Variants in DCUN1D5 observed in about 807,000 individuals in gnomAD.
DCUN1D5 encodes the protein DCN1-like protein 5.
A neutral mutation model predicts 38.3 loss-of-function variants in DCUN1D5; 10 were observed. The observed-to-expected ratio is 0.26, with a 90% CI of 0.16 to 0.44. The LOEUF (loss-of-function observed/expected upper bound fraction) is 0.44. Ranked by LOEUF, DCUN1D5 falls within the 20% of genes least tolerant of loss-of-function variation. The pLI is 1.00. For synonymous variants in DCUN1D5, 93 were observed against 90.9 expected (o/e 1.02, Z -0.13); for missense variants, 148 against 275.3 (o/e 0.54, Z 3.27).
In DCUN1D5 at chr11:103,087,253, C is replaced by A. The variant is rs1351798057; in HGVS notation, c.178+1974G>T. On this transcript the variant is annotated intron_variant, in intron 2 of 7. Coordinates refer to ENST00000260247, the MANE Select transcript of DCUN1D5 (RefSeq NM_032299.4). This position sits in a 1 kb window ranked among gnomAD's most constrained non-coding sequence, Gnocchi z 4.1. ...TGGTGTTATCTCGGCTCACTGTGAG[C>A]TCCGCCTCCTGGGTTCACGCCATTC... Among the ~76,000 whole-genome samples the A allele has an allele frequency of 2.0e-5, 3 of 151,158 alleles. No individual in the cohort carries two copies. The highest frequency in any genetic ancestry group is 6.6e-5 in the Admixed American group (1 of 15,154).
intron 4 of DCUN1D5, among the ~76,000 whole-genome samples, chr11:103,074,686 G>A (rs1335475640): frequency 6.6e-6 from 1 of 152,214 alleles, no homozygotes; most frequent in Non-Finnish European, 1.5e-5. Flanking sequence ...TTACAGGCGT[G>A]AGCCACCATG....
intron 4 of DCUN1D5, chr11:103,080,111 G>A (rs1862519575): frequency 1.3e-5 from 2 of 152,260 alleles, no homozygotes; most frequent in Non-Finnish European, 1.5e-5. Flanking sequence ...TTAACACAGT[G>A]TATGTTTTAA....
rs1470366566 is a variant in DCUN1D5 at position 103,066,681 on chromosome 11, T to C, written c.342-114A>G. ...AAAGTGAGCGCATTTATGAAGTTAA[T>C]TTAGTTTTAAAATTCTGAGTCACAA... On this transcript the variant is annotated intron_variant, in intron 4 of 7. Transcript: ENST00000260247. This position sits in a 1 kb window ranked among gnomAD's most constrained non-coding sequence, Gnocchi z 4.7. 1.8e-6 allele frequency: 1 copy of C among 562,698 alleles called. No individual in the cohort carries two copies. Among genetic ancestry groups the C allele is most frequent in the East Asian group, 3.2e-5 (1 of 31,538 alleles). The allele number at this position is 562,698 out of a possible 1,614,324, so 34.9% of individuals were successfully genotyped here.
In DCUN1D5 at chr11:103,083,040, A is replaced by C. The variant is rs1318526188; in HGVS notation, c.250-201T>G. On this transcript the variant is annotated intron_variant, in intron 3 of 7. Coordinates refer to ENST00000260247, the MANE Select transcript of DCUN1D5 (RefSeq NM_032299.4). The surrounding 1 kb of genome is among the most constrained non-coding windows in gnomAD (Gnocchi z 4.4). ...AGTAAAAAGTTCTAACAGTTTCTGA[A>C]GGTAGAATCTCTTATTCTATTACAT... is the stretch of plus-strand genomic sequence containing the variant. Among the ~76,000 whole-genome samples the C allele has an allele frequency of 6.6e-6, 1 of 152,044 alleles. No homozygotes were observed. The highest frequency in any genetic ancestry group is 1.5e-5 in the Non-Finnish European group (1 of 67,878).
At position 103,074,279 on chromosome 11, in the gene DCUN1D5, C is replaced by G. The variant is rs1392111033; in HGVS notation, c.342-7712G>C. 2.0e-5 allele frequency among the ~76,000 whole-genome samples: 3 copies of G among 152,188 alleles called. No homozygotes were observed. The South Asian group carries it at 6.2e-4, about 32-fold the overall frequency. On this transcript the variant is annotated intron_variant, in intron 4 of 7. Transcript: ENST00000260247. ...AAAATTCAACAGTAAAAAAATTTAT[C>G]TTCCATGTTCGTTAGCATCTCTTTC...
At chr11:103,082,331 A>G (rs1039089406) in intron 4 of DCUN1D5, among the ~76,000 whole-genome samples, 1 of 152,104 alleles carries the variant, frequency 6.6e-6, no homozygotes. Flanking sequence ...TCTATCTTCA[A>G]ATTTTTAAAG....
intron 4 of DCUN1D5, among the ~76,000 whole-genome samples, chr11:103,072,892 GAAC>G (rs1862316160): frequency 6.6e-6 from 1 of 152,004 alleles, no homozygotes. Flanking sequence ...ATGTACCCTA[GAAC>G]TTGAAGTATA....
In DCUN1D5 at chr11:103,061,089, A is replaced by G. The variant is rs1051070814; in HGVS notation, c.*1270T>C. Among the ~76,000 whole-genome samples the G allele has an allele frequency of 6.6e-6, 1 of 152,206 alleles. No homozygotes were observed. Among genetic ancestry groups the G allele is most frequent in the African/African-American group, 2.4e-5 (1 of 41,466 alleles). On this transcript the variant is annotated 3_prime_UTR_variant, in exon 8 of 8. Coordinates refer to ENST00000260247, the MANE Select transcript of DCUN1D5 (RefSeq NM_032299.4). ...GCTGATTAACTAAAAAGCAAACAAT[A>G]AAACACTTTAAAATGTCATTCTCTT...
intron 4 of DCUN1D5, among the ~76,000 whole-genome samples, chr11:103,074,405 G>C (rs1862356254): frequency 6.6e-6 from 1 of 151,950 alleles, no homozygotes; most frequent in Non-Finnish European, 1.5e-5. Flanking sequence ...CATCTGCTGA[G>C]TGTTTGTTTG....
rs1344621509 is a variant in DCUN1D5 at position 103,065,865 on chromosome 11, T to C, written c.555+404A>G. Among the ~76,000 whole-genome samples the C allele has an allele frequency of 6.6e-6, 1 of 152,188 alleles. No homozygotes were observed. Among genetic ancestry groups the C allele is most frequent in the Non-Finnish European group, 1.5e-5 (1 of 68,028 alleles). On this transcript the variant is annotated intron_variant, in intron 6 of 7. Transcript: ENST00000260247. The surrounding 1 kb of genome is among the most constrained non-coding windows in gnomAD (Gnocchi z 4.6). ...GCCTAAGTAGAAAAGGAAAGTTTTA[T>C]TACTAAATTGGTTCTCTTATGTACA...
chr11:103,086,472 T>G lies in DCUN1D5; in HGVS notation c.178+2755A>C, dbSNP rs1862710898. On this transcript the variant is annotated intron_variant, in intron 2 of 7. Transcript: ENST00000260247. The surrounding 1 kb of genome is among the most constrained non-coding windows in gnomAD (Gnocchi z 4.1). ...TGGCAAACAAATGGTTCCTCCCTAATCAGGTCTCTGCACAAAGTGGTCTCC... is the reference window on the plus strand; with the variant it reads ...TGGCAAACAAATGGTTCCTCCCTAAGCAGGTCTCTGCACAAAGTGGTCTCC... 6.6e-6 allele frequency among the ~76,000 whole-genome samples: 1 copy of G among 152,216 alleles called. No homozygotes were observed. The highest frequency in any genetic ancestry group is 2.1e-4 in the South Asian group (1 of 4,834).
At position 103,071,323 on chromosome 11, in the gene DCUN1D5, A is replaced by G. The variant is rs1862266147; in HGVS notation, c.342-4756T>C. On this transcript the variant is annotated intron_variant, in intron 4 of 7. Coordinates refer to ENST00000260247, the MANE Select transcript of DCUN1D5 (RefSeq NM_032299.4). The surrounding 1 kb of genome is among the most constrained non-coding windows in gnomAD (Gnocchi z 4.1). ...AAGAGAGAAGACAAAAATTACCCAT[A>G]TCAGGAATGAAATGGGGTATTATTA... 1.3e-5 allele frequency among the ~76,000 whole-genome samples: 2 copies of G among 151,946 alleles called. No individual in the cohort carries two copies. The highest frequency in any genetic ancestry group is 2.9e-5 in the Non-Finnish European group (2 of 67,890).
Position 103,066,619 on chromosome 11 carries a change from A to C in DCUN1D5, c.342-52T>G. The C allele has an allele frequency of 1.8e-6, 2 of 1,125,804 alleles. No individual in the cohort carries two copies. Among genetic ancestry groups the C allele is most frequent in the Non-Finnish European group, 2.7e-6 (2 of 748,182 alleles). 69.7% of individuals were successfully genotyped at this position (1,125,804 alleles called of 1,614,324 possible). A position where few individuals can be genotyped will look rare whatever the true frequency, so the allele number is the denominator to read the frequency against. ...TTACATAATCAAGAAAATCAAATAA[A>C]AGTATCACTGGGGGTTAGACGTAAT... On this transcript the variant is annotated intron_variant, in intron 4 of 7. Coordinates refer to ENST00000260247, the MANE Select transcript of DCUN1D5 (RefSeq NM_032299.4). The surrounding 1 kb of genome is among the most constrained non-coding windows in gnomAD (Gnocchi z 4.7).
At position 103,062,599 on chromosome 11, in the gene DCUN1D5, A is replaced by T. The variant is rs143723941; in HGVS notation, c.659-185T>A. Among the ~76,000 whole-genome samples the T allele has an allele frequency of 1.9e-4, 29 of 152,170 alleles. No homozygotes were observed. In the East Asian group the frequency reaches 4.6e-3, roughly 24 times the overall value. On this transcript the variant is annotated intron_variant, in intron 7 of 7. Transcript: ENST00000260247. This position sits in a 1 kb window ranked among gnomAD's most constrained non-coding sequence, Gnocchi z 4.6. ...TTAGCCTTTTCTTTTTTGCCCTTAA[A>T]GACACAAGGAACAATGGTATCTATA...
intron 4 of DCUN1D5, among the ~76,000 whole-genome samples, chr11:103,069,634 C>T (rs1469147946): frequency 6.6e-6 from 1 of 152,202 alleles, no homozygotes; most frequent in Non-Finnish European, 1.5e-5. Flanking sequence ...CTTTCACCAT[C>T]ACCCAGTGGT....
intron 4 of DCUN1D5, among the ~76,000 whole-genome samples, chr11:103,069,853 T>A (rs1245157702): frequency 1.3e-5 from 2 of 152,190 alleles, no homozygotes; most frequent in Non-Finnish European, 2.9e-5. Flanking sequence ...TAGAGTAAGC[T>A]AGCTAAAACT....
At position 103,054,801 on chromosome 11, in the gene DCUN1D5, T is replaced by C. The variant is rs1861832035; in HGVS notation, c.*7558A>G. On this transcript the variant is annotated 3_prime_UTR_variant, in exon 8 of 8. Transcript: ENST00000260247. ...ATAAATATACATTTATATTCAAATGTATATTAGCGTCAACTGCCAGTCCTA... is the reference window on the plus strand; with the variant it reads ...ATAAATATACATTTATATTCAAATGCATATTAGCGTCAACTGCCAGTCCTA... 1 of 152,070 alleles carries C rather than the reference T, an allele frequency of 6.6e-6. No individual in the cohort carries two copies. The highest frequency in any genetic ancestry group is 6.6e-5 in the Admixed American group (1 of 15,254). The allele number at this position is 152,070 out of a possible 1,614,324, so 9.4% of individuals were successfully genotyped here. A position where few individuals can be genotyped will look rare whatever the true frequency, so the allele number is the denominator to read the frequency against.
Position 103,066,322 on chromosome 11 carries a change from G to C in DCUN1D5, c.502C>G (p.Leu168Val). Reference sequence around the variant, plus strand: ...AGTGGCCATGTCCTCCCAAGCAGAAGAGCTAACATAGATTTAGCAGTATCA... The same window carrying C: ...AGTGGCCATGTCCTCCCAAGCAGAACAGCTAACATAGATTTAGCAGTATCA... ...DIDTAKSMLA[L>V]LLGRTWPLFS... The change falls in exon 6 of 8, where the codon CTT becomes GTT. Residue 168 changes from leucine (L) to valine (V), a missense_variant. Transcript: ENST00000260247. This position sits in a 1 kb window ranked among gnomAD's most constrained non-coding sequence, Gnocchi z 4.7. 1 of 1,611,140 alleles carries C rather than the reference G, an allele frequency of 6.2e-7. No homozygotes were observed. Among genetic ancestry groups the C allele is most frequent in the Non-Finnish European group, 8.5e-7 (1 of 1,178,990 alleles).
rs1048083240 is a variant in DCUN1D5 at position 103,064,650 on chromosome 11, G to A, written c.556-273C>T. Among the ~76,000 whole-genome samples the A allele has an allele frequency of 6.6e-6, 1 of 151,644 alleles. No individual in the cohort carries two copies. Among genetic ancestry groups the A allele is most frequent in the Non-Finnish European group, 1.5e-5 (1 of 67,960 alleles). Reference sequence around the variant, plus strand: ...AACTTTTTCATATGTATATACTTGTGTTACCACCAATGAGATCAAGATATA... The same window carrying A: ...AACTTTTTCATATGTATATACTTGTATTACCACCAATGAGATCAAGATATA... On this transcript the variant is annotated intron_variant, in intron 6 of 7. Coordinates refer to ENST00000260247, the MANE Select transcript of DCUN1D5 (RefSeq NM_032299.4). This position sits in a 1 kb window ranked among gnomAD's most constrained non-coding sequence, Gnocchi z 4.5.
Sources: gnomAD v4.1 joint callset for allele counts (sites outside exome capture counted in the v4.1 genomes callset) on GRCh38, gnomAD v4.1.1 for gene constraint, Gnocchi (gnomAD v3.1) non-coding constraint, MANE v1.5 for transcripts, NCBI Gene and HGNC (gene_info 2026-07-23, HGNC 2026-07-21) for gene names.